MTFR1L: variants seen among roughly 807,000 people sequenced by gnomAD.
MTFR1L encodes the protein mitochondrial fission regulator 1-like.
In MTFR1L, 10 loss-of-function variants were observed where a neutral mutation model predicts 27.9. The observed-to-expected ratio is 0.36, with a 90% CI of 0.22 to 0.61. MTFR1L has a LOEUF of 0.61. Among genes scored for constraint, MTFR1L ranks in the 20% least tolerant of loss-of-function variants. The probability of loss-of-function intolerance (pLI) is 0.73; values close to 1 mark genes in which losing one functional copy is unlikely to be tolerated. For missense variants in MTFR1L, 315 were observed against 363.7 expected (o/e 0.87, Z 1.09); for synonymous variants, 151 against 139.4 (o/e 1.08, Z -0.58).
At position 25,831,764 on chromosome 1, in the gene MTFR1L, A is replaced by AACCTT. The variant is rs1192163915; in HGVS notation, c.774-156_774-152dup. 5.5e-6 allele frequency: 4 copies of AACCTT among 731,598 alleles called. No homozygotes were observed. In the East Asian group the frequency reaches 1.0e-4, roughly 19 times the overall value. 45.3% of individuals were successfully genotyped at this position (731,598 alleles called of 1,614,324 possible). Reference sequence around the variant, plus strand: ...ACTAGTGACCTTGGGCAACTTGTATAACCTTTCTGTGCTTCAATTTCCTTA... The same window carrying AACCTT: ...ACTAGTGACCTTGGGCAACTTGTATAACCTTACCTTTCTGTGCTTCAATTTCCTTA... On this transcript the variant is annotated intron_variant, in intron 6 of 6. Transcript: ENST00000374303.
In MTFR1L at chr1:25,829,512, C is replaced by T. The variant is rs375947271; in HGVS notation, c.455C>T (p.Ser152Leu). ...IAKIVAADAA[S>L]ASLTPDFLSP... is the part of the protein sequence containing the mutation. ...TGCCTATTGTTTTCTCTTTCAGCTT[C>T]GGCTTCATTAACGCCAGATTTCTTA... Residue 152 changes from serine (S) to leucine (L), a missense_variant, in exon 6 of 7, where the codon TCG becomes TTG. Physicochemically the swap from Ser to Leu is moderately radical, Grantham distance 145. Transcript: ENST00000374303. 4.3e-6 allele frequency: 7 copies of T among 1,612,408 alleles called. No homozygotes were observed. Among genetic ancestry groups the T allele is most frequent in the Admixed American group, 3.3e-5 (2 of 59,846 alleles).
rs2048165561 is a variant in MTFR1L at position 25,826,213 on chromosome 1, C to A, written c.130-89C>A. The A allele has an allele frequency of 9.0e-7, 1 of 1,108,050 alleles. No individual in the cohort carries two copies. The highest frequency in any genetic ancestry group is 1.3e-6 in the Non-Finnish European group (1 of 747,630). The allele number at this position is 1,108,050 out of a possible 1,614,324, so 68.6% of individuals were successfully genotyped here. A position where few individuals can be genotyped will look rare whatever the true frequency, so the allele number is the denominator to read the frequency against. ...AGGAAGCCTTCCTGACACCCAGTGC[C>A]GGATTAGGTACCCCTCCTGTGTATT... On this transcript the variant is annotated intron_variant, in intron 3 of 6. Coordinates refer to ENST00000374303, the MANE Select transcript of MTFR1L (RefSeq NM_001099625.2). This position sits in a 1 kb window ranked among gnomAD's most constrained non-coding sequence, Gnocchi z 4.1.
intron 1 of MTFR1L, chr1:25,820,416 T>A: frequency 2.3e-6 from 1 of 439,566 alleles, no homozygotes. Context: ...TTGGCCCAGG[T>A]CGGGTCGTCT....
chr1:25,831,168 C>T (rs975685851), intron 6 of MTFR1L, among the ~76,000 whole-genome samples: 13 of 152,312 alleles, frequency 8.5e-5, no homozygotes, highest in African/African-American at 1.7e-4. Flanking sequence ...ACCAACCAAA[C>T]GCAGTCCCTC....
Position 25,832,654 on chromosome 1 carries a change from A to C in MTFR1L, c.*628A>C. 1.2e-5 allele frequency: 2 copies of C among 162,806 alleles called. No individual in the cohort carries two copies. Among genetic ancestry groups the C allele is most frequent in the East Asian group, 3.3e-4 (2 of 6,016 alleles). The allele number at this position is 162,806 out of a possible 1,614,324, so 10.1% of individuals were successfully genotyped here. ...TTAAACACATTTTATATTACTGAAC[A>C]ACCAAATCTACCCTCCACGGCCCTG... On this transcript the variant is annotated 3_prime_UTR_variant, in exon 7 of 7. Transcript: ENST00000374303.
At position 25,829,887 on chromosome 1, in the gene MTFR1L, T is replaced by G. The variant is rs1456410075; in HGVS notation, c.773+57T>G. 3.6e-6 allele frequency: 5 copies of G among 1,404,796 alleles called. No individual in the cohort carries two copies. In the African/African-American group the frequency reaches 5.7e-5, roughly 16 times the overall value. 87.0% of individuals were successfully genotyped at this position (1,404,796 alleles called of 1,614,324 possible). A position where few individuals can be genotyped will look rare whatever the true frequency, so the allele number is the denominator to read the frequency against. ...TTTACTCAGAGTTGCCCATGGCCAATTATGTAATGCAACATACTTACATAG... is the reference window on the plus strand; with the variant it reads ...TTTACTCAGAGTTGCCCATGGCCAAGTATGTAATGCAACATACTTACATAG... On this transcript the variant is annotated intron_variant, in intron 6 of 6. Transcript: ENST00000374303.
In MTFR1L at chr1:25,823,822, G is replaced by T. The variant is rs557438817; in HGVS notation, c.129+74G>T. 6 of 1,525,980 alleles carry T rather than the reference G, an allele frequency of 3.9e-6. No homozygotes were observed. The South Asian group carries it at 7.3e-5, about 19-fold the overall frequency. The allele number at this position is 1,525,980 out of a possible 1,614,324, so 94.5% of individuals were successfully genotyped here. A position where few individuals can be genotyped will look rare whatever the true frequency, so the allele number is the denominator to read the frequency against. On this transcript the variant is annotated intron_variant, in intron 3 of 6. Coordinates refer to ENST00000374303, the MANE Select transcript of MTFR1L (RefSeq NM_001099625.2). ...TCTGTGCCCCAAACCCCTTGGTACT[G>T]CCCAAGTAGGTTGTTTCCTGGTCAC... is the stretch of plus-strand genomic sequence containing the variant.
chr1:25,823,148 C>A lies in MTFR1L; in HGVS notation c.24+20C>A, dbSNP rs1417415872. On this transcript the variant is annotated intron_variant, in intron 2 of 6. Coordinates refer to ENST00000374303, the MANE Select transcript of MTFR1L (RefSeq NM_001099625.2). ...ACTGTGGTAAGGGGCATTCCCAGGG[C>A]AGGGGTATGGTGGGGAAGGTTGGGT... 1.9e-6 allele frequency: 3 copies of A among 1,611,296 alleles called. No homozygotes were observed. The highest frequency in any genetic ancestry group is 2.5e-6 in the Non-Finnish European group (3 of 1,177,466).
chr1:25,822,794 G>A (rs2124471576), intron 1 of MTFR1L: 3 of 596,214 alleles, frequency 5.0e-6, no homozygotes, highest in Non-Finnish European at 8.9e-6. Flanking sequence ...CCAAAGTGCT[G>A]GGATTACAGA....
At chr1:25,829,969 T>C (rs2048216475) in intron 6 of MTFR1L, 139 bp downstream of exon 6, 3 of 932,270 alleles carry the variant, frequency 3.2e-6, no homozygotes, top group Non-Finnish European at 4.7e-6. Context: ...GACTACCTGC[T>C]TGCCAGTGCC....
rs2048170475 is a variant in MTFR1L, at chr1:25,826,531, ACT to A, written c.240-80_240-79del. The A allele has an allele frequency of 1.3e-6, 2 of 1,571,918 alleles. No individual in the cohort carries two copies. The highest frequency in any genetic ancestry group is 1.7e-6 in the Non-Finnish European group (2 of 1,143,460). On this transcript the variant is annotated intron_variant, in intron 4 of 6. Transcript: ENST00000374303. The surrounding 1 kb of genome is among the most constrained non-coding windows in gnomAD (Gnocchi z 4.1). ...GAGAGGAGCAGAACCTTACTATACT[ACT>A]CTCACAGAAGTGGGGGAAGGAACCT...
At chr1:25,824,252 G>A (rs1362562463) in intron 3 of MTFR1L, among the ~76,000 whole-genome samples, 1 of 152,066 alleles carries the variant, frequency 6.6e-6, no homozygotes, top group Non-Finnish European at 1.5e-5. Flanking sequence ...TCCTTTACTG[G>A]GGTGCTTTGG....
chr1:25,822,909 C>A, intron 1 of MTFR1L, 110 bp from the exon 2 acceptor site: 1 of 852,798 alleles, frequency 1.2e-6, no homozygotes, highest in Non-Finnish European at 1.9e-6. Context: ...GTTTTCTCCC[C>A]TGTGAAGTCA....
rs2048174457 is a variant in MTFR1L at position 25,826,752 on chromosome 1, G to T, written c.377G>T (p.Ser126Ile). The T allele has an allele frequency of 6.8e-6, 11 of 1,614,162 alleles. No individual in the cohort carries two copies. The highest frequency in any genetic ancestry group is 9.3e-6 in the Non-Finnish European group (11 of 1,180,044). The change falls in exon 5 of 7, where the codon AGC (serine) becomes ATC (isoleucine). Residue 126 changes from serine (S) to isoleucine (I), a missense_variant. Physicochemically the swap from Ser to Ile is moderately radical, Grantham distance 142 (BLOSUM62 -2). Transcript: ENST00000374303. This position sits in a 1 kb window ranked among gnomAD's most constrained non-coding sequence, Gnocchi z 4.1. ...ALKKPALPAL[S>I]RTTELQDELS... is the part of the protein sequence containing the mutation. Reference sequence around the variant, plus strand: ...AAGAAGCCAGCTCTGCCAGCCCTAAGCCGCACTACTGAGCTGCAGGACGAG... The same window carrying T: ...AAGAAGCCAGCTCTGCCAGCCCTAATCCGCACTACTGAGCTGCAGGACGAG...
chr1:25,828,583 TG>T (rs752557337), intron 5 of MTFR1L, among the ~76,000 whole-genome samples: 1 of 147,490 alleles, frequency 6.8e-6, no homozygotes, highest in Non-Finnish European at 1.5e-5. Flanking sequence ...AAAAAAACAG[TG>T]GTCTATTATG....
At chr1:25,830,619 G>A (rs2048226470) in intron 6 of MTFR1L, among the ~76,000 whole-genome samples, 1 of 152,214 alleles carries the variant, frequency 6.6e-6, no homozygotes, top group African/African-American at 2.4e-5. Flanking sequence ...GGGCATTTGA[G>A]AGCCAGACCT....
chr1:25,830,347 C>T (rs374387946), intron 6 of MTFR1L, among the ~76,000 whole-genome samples: 29 of 152,306 alleles, frequency 1.9e-4, no homozygotes, highest in Admixed American at 1.6e-3. Flanking sequence ...CCAGTAGTTC[C>T]GAAACCTAGC....
chr1:25,820,636 T>G (rs1410220323), intron 1 of MTFR1L: 1 of 413,826 alleles, frequency 2.4e-6, no homozygotes, highest in Non-Finnish European at 4.7e-6. Context: ...AACTGCAGCC[T>G]CCGGAGGGCT....
chr1:25,829,483 C>A, intron 5 of MTFR1L, 26 bp from the exon 6 acceptor site: 1 of 1,599,412 alleles, frequency 6.3e-7, no homozygotes, highest in South Asian at 1.1e-5. Context: ...CCAATGTCCA[C>A]CCATGCCTAT....
Sources: gnomAD v4.1 joint callset for allele counts (sites outside exome capture counted in the v4.1 genomes callset) on GRCh38, gnomAD v4.1.1 for gene constraint, Gnocchi (gnomAD v3.1) non-coding constraint, MANE v1.5 for transcripts, NCBI Gene and HGNC (gene_info 2026-07-23, HGNC 2026-07-21) for gene names.